The following LMO7 variants were observed in gnomAD, a reference collection of about 807,000 sequenced individuals.
LMO7 encodes LIM domain only protein 7.
In LMO7, 120 loss-of-function variants were observed where a neutral mutation model predicts 206.5. The observed-to-expected ratio is 0.58, with a 90% CI of 0.50 to 0.68. The LOEUF (loss-of-function observed/expected upper bound fraction) is 0.68, where lower values mean the gene tolerates loss of function less well. Ranked by LOEUF, LMO7 falls within the 30% of genes least tolerant of loss-of-function variation. The pLI, the probability that LMO7 is intolerant of heterozygous loss-of-function variation, is 0.00. For synonymous variants in LMO7, 706 were observed against 681.5 expected, an observed-to-expected ratio of 1.04 and a Z score of -0.56; for missense variants, 1,959 against 1,957.9, an observed-to-expected ratio of 1.00 and a Z score of -0.01.
intron 3 of LMO7, among the ~76,000 whole-genome samples, chr13:75,733,245 C>T (rs2045449888): frequency 1.3e-5 from 2 of 152,254 alleles, no homozygotes; most frequent in Non-Finnish European, 2.9e-5. Context: ...CCTACAGAGG[C>T]AGGCAGGCCT....
chr13:75,691,652 G>A (rs1046721619), intron 1 of LMO7, among the ~76,000 whole-genome samples: 3 of 152,168 alleles, frequency 2.0e-5, no homozygotes, highest in Admixed American at 6.6e-5. Flanking sequence ...CCCCAGTGGA[G>A]TCTGATGTTT....
chr13:75,681,718 G>GTGTATATATATATA lies in LMO7; in HGVS notation c.70-31463_70-31462insGTATATATATATAT, dbSNP rs1270207162. Among the ~76,000 whole-genome samples the GTGTATATATATATA allele has an allele frequency of 6.0e-4, 63 of 104,554 alleles. 2 individuals carry two copies. Among genetic ancestry groups the GTGTATATATATATA allele is most frequent in the East Asian group, 4.5e-3 (17 of 3,744 alleles). 68.6% of individuals were successfully genotyped at this position (104,554 alleles called of 152,430 possible). On this transcript the variant is annotated intron_variant, in intron 1 of 30. Coordinates refer to ENST00000377534, the MANE Select transcript of LMO7 (RefSeq NM_001306080.2). Reference sequence around the variant, plus strand: ...TATGTATGTATGTGTATATATATATGTATATATATATATATATATATATAT... The same window carrying GTGTATATATATATA: ...TATGTATGTATGTGTATATATATATGTGTATATATATATATATATATATATATATATATATATAT...
intron 18 of LMO7, 56 bp from the exon 19 acceptor site, chr13:75,836,337 ATTAT>A: frequency 1.1e-6 from 1 of 872,774 alleles, no homozygotes; most frequent in Non-Finnish European, 1.8e-6. Context: ...TGCGAAATGC[ATTAT>A]TTAAGGCCAA....
At chr13:75,839,449 A>T (rs528407845) in intron 20 of LMO7, among the ~76,000 whole-genome samples, 1 of 152,366 alleles carries the variant, frequency 6.6e-6, no homozygotes, top group South Asian at 2.1e-4. Flanking sequence ...CTTTTTAAAT[A>T]ATCATTGTTC....
At chr13:75,743,862 C>T (rs1274850717) in intron 3 of LMO7, among the ~76,000 whole-genome samples, 4 of 152,024 alleles carry the variant, frequency 2.6e-5, no homozygotes, top group African/African-American at 4.8e-5. Context: ...AAAAACCCCA[C>T]GAAAACACAC....
intron 20 of LMO7, 102 bp from the exon 21 acceptor site, chr13:75,839,983 C>T (rs777531961): frequency 1.9e-6 from 2 of 1,066,248 alleles, no homozygotes; most frequent in Non-Finnish European, 2.9e-6. Context: ...AGTATACTGG[C>T]ATAGAGACAG....
intron 1 of LMO7, among the ~76,000 whole-genome samples, chr13:75,681,708 A>G (rs182729708): frequency 0.035 from 2,909 of 82,798 alleles, 136 homozygotes; most frequent in Non-Finnish European, 0.055. Context: ...ATGTATGTGT[A>G]TATATATATG....
intron 1 of LMO7, among the ~76,000 whole-genome samples, chr13:75,668,870 G>A (rs1175398387): frequency 6.6e-6 from 1 of 152,194 alleles, no homozygotes. Context: ...TGAATATTTT[G>A]TTAGCTAAGG....
chr13:75,744,591 G>A (rs2046680657), intron 3 of LMO7, among the ~76,000 whole-genome samples: 1 of 152,172 alleles, frequency 6.6e-6, no homozygotes, highest in Non-Finnish European at 1.5e-5. Context: ...AATTGAAAAG[G>A]GAAGAGCAAA....
At chr13:75,694,164 C>T (rs984973489) in intron 1 of LMO7, among the ~76,000 whole-genome samples, 25 of 152,124 alleles carry the variant, frequency 1.6e-4, no homozygotes, top group African/African-American at 5.3e-4. Flanking sequence ...ATGATGATGC[C>T]ATAAGGCAGA....
chr13:75,818,397 G>A (rs73227985), intron 12 of LMO7, among the ~76,000 whole-genome samples: 9,199 of 152,078 alleles, frequency 0.06, 425 homozygotes, highest in Non-Finnish European at 0.092. Context: ...GGTGAAATTC[G>A]GTTTTGTCTG....
chr13:75,849,055 G>T (rs1288436447), intron 26 of LMO7, 24 bp from the exon 27 acceptor site: 1 of 1,425,746 alleles, frequency 7.0e-7, no homozygotes. Flanking sequence ...TAATCCCAAA[G>T]CTTTTGATTT....
intron 24 of LMO7, 141 bp downstream of exon 24, chr13:75,842,124 T>C: frequency 1.6e-6 from 1 of 642,564 alleles, no homozygotes; most frequent in Non-Finnish European, 2.7e-6. Flanking sequence ...CTTTAAATCA[T>C]AAACCCTGCC....
chr13:75,771,584 T>TTTTTAAAGACTTTAAAAATAGAAG (rs2049730084), intron 4 of LMO7, among the ~76,000 whole-genome samples: 1 of 152,156 alleles, frequency 6.6e-6, no homozygotes, highest in Non-Finnish European at 1.5e-5. Context: ...AAAAACAGAA[T>TTTTTAAAGACTTTAAAAATAGAAG]TAGTAAGTAT....
intron 3 of LMO7, chr13:75,760,287 G>C: frequency 1.1e-6 from 1 of 881,278 alleles, no homozygotes; most frequent in Non-Finnish European, 1.4e-6. Context: ...TTTGGAGGCA[G>C]CTCTTGAGGC....
intron 1 of LMO7, chr13:75,688,790 T>G (rs1173544186): frequency 6.6e-6 from 1 of 151,696 alleles, no homozygotes; most frequent in Non-Finnish European, 1.5e-5. Context: ...AGGCCTGACT[T>G]ACTCATTTTT....
At chr13:75,706,942 A>G (rs2042702632) in intron 1 of LMO7, among the ~76,000 whole-genome samples, 1 of 152,010 alleles carries the variant, frequency 6.6e-6, no homozygotes, top group Non-Finnish European at 1.5e-5. Flanking sequence ...CTCGAATTTC[A>G]TACTAGTGAA....
At position 75,796,745 on chromosome 13, in the gene LMO7, C is replaced by G. The variant is rs182859725; in HGVS notation, c.458C>G (p.Thr153Arg). The change falls in exon 6 of 31, where the codon ACG becomes AGG. Residue 153 changes from threonine to arginine, a missense_variant. Physicochemically the swap from Thr to Arg is moderately conservative, Grantham distance 71. Transcript: ENST00000377534. ...AFENLLGQALTKALEDSSFLK... is the reference protein window; with the variant it reads ...AFENLLGQALRKALEDSSFLK... ...GAGAATCTTTTAGGACAAGCACTGA[C>G]GAAGGTAAGTAAACTACATCTGTGT... 1.3e-5 allele frequency: 20 copies of G among 1,574,156 alleles called. No homozygotes were observed. The highest frequency in any genetic ancestry group is 3.3e-5 in the South Asian group (3 of 90,270).
intron 6 of LMO7, among the ~76,000 whole-genome samples, chr13:75,800,108 T>G (rs144468205): frequency 3.1e-3 from 466 of 152,342 alleles, no homozygotes; most frequent in Middle Eastern, 6.8e-3. Flanking sequence ...GTGTAATTAG[T>G]AAAAGTGAAT....
Sources: allele counts gnomAD v4.1 joint callset (sites outside exome capture counted in the v4.1 genomes callset), GRCh38; gene constraint gnomAD v4.1.1; transcripts MANE v1.5; gene names NCBI Gene and HGNC (gene_info 2026-07-23, HGNC 2026-07-21).